The following EYS variants were observed in gnomAD, a reference collection of about 807,000 sequenced individuals.
The protein encoded by EYS is EGF-like photoreceptor maintenance factor.
In EYS, 250 loss-of-function variants were observed where a neutral mutation model predicts 282.1. The ratio of observed to expected loss-of-function variants is 0.89; its 90% CI spans 0.80 to 0.98. EYS has a LOEUF of 0.98. Ranked by LOEUF, EYS falls within the 50% of genes least tolerant of loss-of-function variation. The pLI, the probability that EYS is intolerant of heterozygous loss-of-function variation, is 0.00. For missense variants in EYS, 4,016 were observed against 3,709.0 expected, an observed-to-expected ratio of 1.08 and a Z score of -2.15; for synonymous variants, 1,355 against 1,282.9, an observed-to-expected ratio of 1.06 and a Z score of -1.20.
At chr6:64,351,694 T>A (rs1771647528) in intron 29 of EYS, among the ~76,000 whole-genome samples, 1 of 151,566 alleles carries the variant, frequency 6.6e-6, no homozygotes, top group Non-Finnish European at 1.5e-5. Context: ...GAAGAAAGTC[T>A]ATAAATAATT....
chr6:64,182,851 C>G (rs969216626), intron 31 of EYS, among the ~76,000 whole-genome samples: 3 of 152,132 alleles, frequency 2.0e-5, no homozygotes, highest in Admixed American at 6.5e-5. Flanking sequence ...CCACCCTACT[C>G]CTGTCTACCC....
chr6:64,838,862 C>T (rs1436124944), intron 19 of EYS, among the ~76,000 whole-genome samples: 1 of 151,900 alleles, frequency 6.6e-6, no homozygotes, highest in Non-Finnish European at 1.5e-5. Flanking sequence ...TGACTCAATA[C>T]CTATGATACA....
chr6:65,347,505 C>T (rs1770444021), intron 9 of EYS, among the ~76,000 whole-genome samples: 1 of 150,892 alleles, frequency 6.6e-6, no homozygotes, highest in South Asian at 2.1e-4. Context: ...ATTCACCAGT[C>T]TTTTCTTTCT....
chr6:64,815,711 G>T (rs149555723), intron 21 of EYS, among the ~76,000 whole-genome samples: 6 of 152,050 alleles, frequency 3.9e-5, no homozygotes, highest in African/African-American at 1.2e-4. Flanking sequence ...GATATAAAAG[G>T]TTGAGTATTT....
At chr6:64,054,918 CAAGTG>C (rs1225716292) in intron 33 of EYS, among the ~76,000 whole-genome samples, 6 of 152,150 alleles carry the variant, frequency 3.9e-5, no homozygotes, top group Non-Finnish European at 8.8e-5. Context: ...TACTGTAATG[CAAGTG>C]AAGTTTTCAG....
intron 33 of EYS, among the ~76,000 whole-genome samples, chr6:64,052,937 A>G (rs970064480): frequency 2.0e-5 from 3 of 152,316 alleles, no homozygotes; most frequent in African/African-American, 7.2e-5. Flanking sequence ...TAAATTACCC[A>G]GTTTCAGGTA....
rs182550637 is a variant in EYS at position 64,778,383 on chromosome 6, G to C, written c.3443+34995C>G. On this transcript the variant is annotated intron_variant, in intron 22 of 42. Coordinates refer to ENST00000503581, the MANE Select transcript of EYS (RefSeq NM_001142800.2). ...AAAATCTTAGGCTCCAAGCACTAGT[G>C]GTCTAAAATGAAAATAACCCAAGAT... Among the ~76,000 whole-genome samples, 486 of 152,270 alleles carry C rather than the reference G, an allele frequency of 3.2e-3. 3 individuals are homozygous for C. The highest frequency in any genetic ancestry group is 0.011 in the African/African-American group (456 of 41,566).
intron 19 of EYS, among the ~76,000 whole-genome samples, chr6:64,866,733 A>G (rs956854099): frequency 2.0e-5 from 3 of 151,788 alleles, no homozygotes; most frequent in Non-Finnish European, 4.4e-5. Flanking sequence ...TAAAGATGAA[A>G]TTTGTGATTT....
chr6:63,812,546 A>G (rs1771075208), intron 36 of EYS, among the ~76,000 whole-genome samples: 2 of 152,170 alleles, frequency 1.3e-5, no homozygotes, highest in Non-Finnish European at 2.9e-5. Flanking sequence ...CTCAGATTGC[A>G]GATTCCACTA....
intron 2 of EYS, among the ~76,000 whole-genome samples, chr6:65,618,360 A>T (rs1766304352): frequency 6.6e-6 from 1 of 152,220 alleles, no homozygotes; most frequent in South Asian, 2.1e-4. Flanking sequence ...TCTTTTGAGA[A>T]GTGTCTGTTC....
chr6:64,320,156 T>C (rs1771338624), intron 29 of EYS, among the ~76,000 whole-genome samples: 1 of 152,022 alleles, frequency 6.6e-6, no homozygotes, highest in Admixed American at 6.6e-5. Flanking sequence ...TTTGCATTGT[T>C]TGAGATGAGA....
At chr6:64,715,267 G>A (rs1771350846) in intron 22 of EYS, among the ~76,000 whole-genome samples, 1 of 152,110 alleles carries the variant, frequency 6.6e-6, no homozygotes, top group Non-Finnish European at 1.5e-5. Flanking sequence ...GGGGGTGATG[G>A]GAGACAGTGG....
intron 8 of EYS, among the ~76,000 whole-genome samples, chr6:65,366,823 C>G (rs571105151): frequency 1.3e-5 from 2 of 151,562 alleles, no homozygotes; most frequent in Non-Finnish European, 2.9e-5. Context: ...ATCTTTTTCT[C>G]AGCTTCTATT....
chr6:65,445,901 A>G (rs1348091492), intron 5 of EYS, among the ~76,000 whole-genome samples: 2 of 151,830 alleles, frequency 1.3e-5, no homozygotes, highest in Admixed American at 6.6e-5. Flanking sequence ...ATAATTTTCC[A>G]CATAAAATTT....
intron 2 of EYS, among the ~76,000 whole-genome samples, chr6:65,623,030 T>C (rs905461568): frequency 6.6e-6 from 1 of 152,182 alleles, no homozygotes; most frequent in Non-Finnish European, 1.5e-5. Context: ...AGTACTGAGA[T>C]TGTAGGCCTG....
intron 15 of EYS, among the ~76,000 whole-genome samples, chr6:64,942,838 A>C (rs554728171): frequency 7.7e-5 from 9 of 116,298 alleles, no homozygotes; most frequent in South Asian, 3.0e-4. Flanking sequence ...AAAAAAAAAA[A>C]AAAAACAAAA....
chr6:64,949,312 AG>A (rs1190382457), intron 14 of EYS, among the ~76,000 whole-genome samples: 1 of 151,920 alleles, frequency 6.6e-6, no homozygotes. Context: ...GATCTCACCT[AG>A]GAAATGGAGT....
At chr6:65,334,940 T>C (rs1384486548) in intron 11 of EYS, 40 bp downstream of exon 11, 6 of 1,563,796 alleles carry the variant, frequency 3.8e-6, no homozygotes, top group Non-Finnish European at 5.3e-6. Context: ...TTATAACTTT[T>C]TGATATGTGA....
At chr6:63,816,685 C>A (rs1771186204) in intron 36 of EYS, among the ~76,000 whole-genome samples, 1 of 152,210 alleles carries the variant, frequency 6.6e-6, no homozygotes, top group African/African-American at 2.4e-5. Flanking sequence ...ACCACTTCTT[C>A]AGGGTGCAAA....
Sources: gnomAD v4.1 joint callset for allele counts (sites outside exome capture counted in the v4.1 genomes callset) on GRCh38, gnomAD v4.1.1 for gene constraint, MANE v1.5 for transcripts, NCBI Gene and HGNC (gene_info 2026-07-23, HGNC 2026-07-21) for gene names.